The following TEX10 variants were observed in gnomAD, a reference collection of about 807,000 sequenced individuals.
TEX10 encodes the protein testis-expressed protein 10.
In TEX10, 24 loss-of-function variants were observed where a neutral mutation model predicts 104.4. That is an observed-to-expected ratio of 0.23 (90% CI 0.17 to 0.32). The LOEUF (loss-of-function observed/expected upper bound fraction) is 0.32. Among genes scored for constraint, TEX10 ranks in the 10% least tolerant of loss-of-function variants. The pLI is 1.00. For missense variants in TEX10, 921 were observed against 1,083.9 expected, an observed-to-expected ratio of 0.85 and a Z score of 2.11; for synonymous variants, 396 against 393.4, an observed-to-expected ratio of 1.01 and a Z score of -0.08.
intron 5 of TEX10, 47 bp downstream of exon 5, chr9:100,340,210 G>C: frequency 8.4e-7 from 1 of 1,186,938 alleles, no homozygotes; most frequent in Non-Finnish European, 1.2e-6. Flanking sequence ...GATAATTTCA[G>C]GTTAAACAGC....
chr9:100,337,922 T>G (rs1835053088), intron 5 of TEX10, among the ~76,000 whole-genome samples: 1 of 152,220 alleles, frequency 6.6e-6, no homozygotes, highest in South Asian at 2.1e-4. Flanking sequence ...CTTATAGCAC[T>G]TAGTTGTATA....
Position 100,349,229 on chromosome 9 carries a change from T to C in TEX10, c.135A>G (p.Lys45=). The C allele has an allele frequency of 1.9e-6, 3 of 1,585,952 alleles. No homozygotes were observed. The highest frequency in any genetic ancestry group is 2.6e-6 in the Non-Finnish European group (3 of 1,170,814). ...TGTTTGTTGGAAGTGTTCCATCCTC[T>C]TTGAGTTGCTCAGGCAGATGTATAG... is the stretch of plus-strand genomic sequence containing the variant. ...TKTIHLPEQL[K]EDGTLPTNNR... is the part of the protein sequence containing the mutation. The change falls in exon 2 of 15, where the codon AAA becomes AAG. Residue 45 remains lysine (K), a synonymous_variant. Coordinates refer to ENST00000374902, the MANE Select transcript of TEX10 (RefSeq NM_017746.4).
chr9:100,346,313 T>C lies in TEX10; in HGVS notation c.896A>G (p.Tyr299Cys), dbSNP rs1390691334. The C allele has an allele frequency of 4.3e-6, 7 of 1,612,124 alleles. No homozygotes were observed. The Admixed American group carries it at 1.0e-4, about 23-fold the overall frequency. Residue 299 changes from tyrosine to cysteine, a missense_variant and splice_region_variant, in exon 4 of 15, where the codon TAT (tyrosine) becomes TGT (cysteine). By Grantham distance (194) the Tyr-to-Cys change is radical. Around this residue, in one of 3 missense-constraint regions of TEX10, gnomAD observed 753 missense variants for 868.4 expected, o/e 0.87. Coordinates refer to ENST00000374902, the MANE Select transcript of TEX10 (RefSeq NM_017746.4). Reference protein sequence around the residue: ...PNVSSQFRLRYLVGGLSGVDE... With the variant: ...PNVSSQFRLRCLVGGLSGVDE... ...CACACCACTCAGTCCTCCAACCAGATACCTAATAAGGGTAAGAAAGAAAAA... is the reference window on the plus strand; with the variant it reads ...CACACCACTCAGTCCTCCAACCAGACACCTAATAAGGGTAAGAAAGAAAAA...
Position 100,346,054 on chromosome 9 carries a change from A to G in TEX10, c.1137+18T>C. Reference sequence around the variant, plus strand: ...AAGGCTATTAATACTAAGAAAATAAAGAACCATTAGTTCTCACCAATTTAT... The same window carrying G: ...AAGGCTATTAATACTAAGAAAATAAGGAACCATTAGTTCTCACCAATTTAT... On this transcript the variant is annotated intron_variant, in intron 4 of 14. Transcript: ENST00000374902. 6.3e-7 allele frequency: 1 copy of G among 1,586,754 alleles called. No individual in the cohort carries two copies. The highest frequency in any genetic ancestry group is 8.6e-7 in the Non-Finnish European group (1 of 1,167,250).
intron 1 of TEX10, 107 bp downstream of exon 1, chr9:100,352,665 G>A: frequency 7.1e-7 from 1 of 1,415,898 alleles, no homozygotes; most frequent in East Asian, 2.7e-5. Context: ...CGCAAATCGT[G>A]CACGGCCGAC....
intron 1 of TEX10, chr9:100,352,566 C>T (rs765778101): frequency 1.6e-4 from 251 of 1,535,550 alleles, no homozygotes; most frequent in Non-Finnish European, 2.1e-4. Flanking sequence ...CCTGAAGCTC[C>T]GCAAACGCCC....
At chr9:100,322,622 T>C (rs931436962) in intron 9 of TEX10, among the ~76,000 whole-genome samples, 3 of 152,048 alleles carry the variant, frequency 2.0e-5, no homozygotes, top group Admixed American at 1.3e-4. Flanking sequence ...TATTTATATA[T>C]ATATTTTTTG....
At chr9:100,330,997 C>G (rs375618020) in intron 5 of TEX10, among the ~76,000 whole-genome samples, 1 of 151,886 alleles carries the variant, frequency 6.6e-6, no homozygotes, top group Non-Finnish European at 1.5e-5. Flanking sequence ...AGCTCACGCC[C>G]GTAATCCCAG....
At chr9:100,346,349 T>C in intron 3 of TEX10, 34 bp from the exon 4 acceptor site, 1 of 1,572,162 alleles carries the variant, frequency 6.4e-7, no homozygotes, top group Non-Finnish European at 8.6e-7. Context: ...AATTAAGTGA[T>C]TAAAAAATGT....
At position 100,352,900 on chromosome 9, in the gene TEX10, G is replaced by A; in HGVS notation, c.-138C>T. On this transcript the variant is annotated 5_prime_UTR_variant, in exon 1 of 15. The change creates a new upstream start codon in the 5' untranslated region. Coordinates refer to ENST00000374902, the MANE Select transcript of TEX10 (RefSeq NM_017746.4). Reference sequence around the variant, plus strand: ...CCGGAGCGTGTTTTCAAATAGCCTCGTCCTCACGCGGCCGCGTCTCCTTCC... The same window carrying A: ...CCGGAGCGTGTTTTCAAATAGCCTCATCCTCACGCGGCCGCGTCTCCTTCC... 5.0e-6 allele frequency: 5 copies of A among 991,708 alleles called. No homozygotes were observed. The highest frequency in any genetic ancestry group is 6.0e-6 in the Non-Finnish European group (5 of 834,714). 61.4% of individuals were successfully genotyped at this position (991,708 alleles called of 1,614,324 possible). A position where few individuals can be genotyped will look rare whatever the true frequency, so the allele number is the denominator to read the frequency against.
At chr9:100,305,922 A>C (rs762915201) in intron 13 of TEX10, 4 of 152,224 alleles carry the variant, frequency 2.6e-5, no homozygotes, top group Non-Finnish European at 5.9e-5. Context: ...CTTAGGGAAA[A>C]GGTATGCAGC....
At chr9:100,313,470 G>A (rs946869624) in intron 11 of TEX10, among the ~76,000 whole-genome samples, 31 of 150,020 alleles carry the variant, frequency 2.1e-4, no homozygotes, top group African/African-American at 6.9e-4. Context: ...AGCAGAGATC[G>A]TGCCATTGTA....
At chr9:100,336,410 A>C (rs1835010395) in intron 5 of TEX10, among the ~76,000 whole-genome samples, 2 of 152,148 alleles carry the variant, frequency 1.3e-5, no homozygotes, top group Non-Finnish European at 2.9e-5. Context: ...GCCTCCTGTC[A>C]TATCAGTAGT....
rs116187963 is a variant in TEX10, at chr9:100,334,016, T to C, written c.1251-3847A>G. On this transcript the variant is annotated intron_variant, in intron 5 of 14. Transcript: ENST00000374902. ...CTGGAAGAGATAAAAGATTAAAAAA[T>C]AGGTGGAGGATTCAGTAAGTAGATG... Among the ~76,000 whole-genome samples, 1,244 of 152,140 alleles carry C rather than the reference T, an allele frequency of 8.2e-3. 19 individuals carry two copies. Among genetic ancestry groups the C allele is most frequent in the African/African-American group, 0.028 (1,168 of 41,472 alleles).
At chr9:100,352,578 AG>A in intron 1 of TEX10, 193 bp downstream of exon 1, 3 of 1,521,482 alleles carry the variant, frequency 2.0e-6, no homozygotes, top group Middle Eastern at 1.8e-4. Context: ...CAAACGCCCT[AG>A]GGGGTCCCGC....
intron 1 of TEX10, 84 bp from the exon 2 acceptor site, chr9:100,349,456 G>A (rs761424949): frequency 6.5e-6 from 5 of 767,718 alleles, no homozygotes; most frequent in East Asian, 3.1e-5. Context: ...ACATACTACT[G>A]TAACATTTAT....
rs1013004552 is a variant in TEX10 at position 100,352,494 on chromosome 9, C to G, written c.-10+278G>C. The G allele has an allele frequency of 8.9e-5, 138 of 1,551,204 alleles. No individual in the cohort carries two copies. In the Middle Eastern group the frequency reaches 1.5e-3, roughly 17 times the overall value. Reference sequence around the variant, plus strand: ...GGACCAGAGTCGGGGAAGTGGGGCCCGATTCACACACTCCGGGCTAAAACT... The same window carrying G: ...GGACCAGAGTCGGGGAAGTGGGGCCGGATTCACACACTCCGGGCTAAAACT... On this transcript the variant is annotated intron_variant, in intron 1 of 14. Coordinates refer to ENST00000374902, the MANE Select transcript of TEX10 (RefSeq NM_017746.4).
chr9:100,304,149 G>A (rs12380802), intron 13 of TEX10: 1 of 388,620 alleles, frequency 2.6e-6, no homozygotes, highest in Non-Finnish European at 4.9e-6. Flanking sequence ...GGAATAATCA[G>A]TATTGTTAAA....
chr9:100,308,216 T>C (rs535863800), intron 13 of TEX10, among the ~76,000 whole-genome samples: 3 of 116,920 alleles, frequency 2.6e-5, no homozygotes, highest in East Asian at 1.8e-3. Flanking sequence ...GCTAGACTTA[T>C]AGCAATGTTA....
Sources: gnomAD v4.1 joint callset for allele counts (sites outside exome capture counted in the v4.1 genomes callset) on GRCh38, gnomAD v4.1.1 for gene constraint, gnomAD v4.1.1 regional missense constraint, MANE v1.5 for transcripts, NCBI Gene and HGNC (gene_info 2026-07-23, HGNC 2026-07-21) for gene names.